The following SLC7A1 variants were observed in gnomAD, a reference collection of about 807,000 sequenced individuals.
SLC7A1 encodes the protein high affinity cationic amino acid transporter 1.
SLC7A1 carries 10 observed loss-of-function variants against 53.9 expected under a neutral mutation model. The ratio of observed to expected loss-of-function variants is 0.19; its 90% CI spans 0.11 to 0.31. The LOEUF is 0.31. Ranked by LOEUF, SLC7A1 falls within the 10% of genes least tolerant of loss-of-function variation. SLC7A1 has a pLI of 1.00. For missense variants in SLC7A1, 525 were observed against 827.2 expected (o/e 0.63, Z 4.48); for synonymous variants, 342 against 338.7 (o/e 1.01, Z -0.11).
At chr13:29,572,175 A>G (rs532568) in intron 1 of SLC7A1, among the ~76,000 whole-genome samples, 125,724 of 152,200 alleles carry the variant, frequency 0.83, 53,433 homozygotes, top group Middle Eastern at 0.94. Flanking sequence ...GGTCCCAAGC[A>G]CGACTCCAAG....
rs1023005103 is a variant in SLC7A1, at chr13:29,538,473, G to A, written c.-14-2271C>T. Among the ~76,000 whole-genome samples, 6 of 152,282 alleles carry A rather than the reference G, an allele frequency of 3.9e-5. No homozygotes were observed. The South Asian group carries it at 1.2e-3, about 32-fold the overall frequency. On this transcript the variant is annotated intron_variant, in intron 2 of 12. Transcript: ENST00000380752. ...ACTGCTTCAGCAAGCTCTCATGCCAGAGCAGTTCTGAGGTGTCTCAGCAAC... is the reference window on the plus strand; with the variant it reads ...ACTGCTTCAGCAAGCTCTCATGCCAAAGCAGTTCTGAGGTGTCTCAGCAAC...
chr13:29,518,892 TTTACTG>T (rs374926008), intron 9 of SLC7A1, among the ~76,000 whole-genome samples: 3 of 151,176 alleles, frequency 2.0e-5, no homozygotes, highest in African/African-American at 7.3e-5. Context: ...CCAGAGCAGC[TTTACTG>T]TGACTGGGAG....
intron 1 of SLC7A1, among the ~76,000 whole-genome samples, chr13:29,582,635 T>A (rs1259441758): frequency 1.3e-5 from 2 of 152,184 alleles, no homozygotes; most frequent in African/African-American, 4.8e-5. Flanking sequence ...CTACTCCCAG[T>A]GACCCTGAGA....
chr13:29,554,017 C>T (rs1296594217), intron 1 of SLC7A1, among the ~76,000 whole-genome samples, 157 bp from the exon 2 acceptor site: 3 of 152,020 alleles, frequency 2.0e-5, no homozygotes, highest in African/African-American at 4.8e-5. Flanking sequence ...GGCAAAGGGG[C>T]CCACCATGGG....
intron 10 of SLC7A1, 76 bp from the exon 11 acceptor site, chr13:29,517,386 C>A: frequency 6.9e-7 from 1 of 1,453,488 alleles, no homozygotes; most frequent in East Asian, 2.3e-5. Flanking sequence ...CTGTTCTCCC[C>A]TAAACTTGTG....
At chr13:29,565,290 C>T (rs75324998) in intron 1 of SLC7A1, among the ~76,000 whole-genome samples, 1 of 152,024 alleles carries the variant, frequency 6.6e-6, no homozygotes, top group Non-Finnish European at 1.5e-5. Flanking sequence ...TGCATGAGTA[C>T]AATACAAACA....
chr13:29,515,001 C>T (rs1208507969), intron 12 of SLC7A1, among the ~76,000 whole-genome samples: 2 of 152,200 alleles, frequency 1.3e-5, no homozygotes, highest in East Asian at 3.9e-4. Context: ...AGTCCCACTG[C>T]CCATTTCTCC....
In SLC7A1 at chr13:29,572,229, T is replaced by A. The variant is rs565147304; in HGVS notation, c.-114-18369A>T. Among the ~76,000 whole-genome samples the A allele has an allele frequency of 1.9e-4, 29 of 152,296 alleles. No homozygotes were observed. In the South Asian group the frequency reaches 5.2e-3, roughly 27 times the overall value. ...CCATCTGGTCCCACACCAAGTCACA[T>A]CTGTGCCCAGAGAAGCCCAGTGGAC... On this transcript the variant is annotated intron_variant, in intron 1 of 12. Transcript: ENST00000380752.
intron 1 of SLC7A1, among the ~76,000 whole-genome samples, chr13:29,570,288 C>A (rs575132595): frequency 7.2e-5 from 11 of 152,230 alleles, no homozygotes; most frequent in Non-Finnish European, 1.3e-4. Context: ...CATCAAGCAA[C>A]GTTATTGACT....
At position 29,517,757 on chromosome 13, in the gene SLC7A1, C is replaced by T; in HGVS notation, c.1326G>A (p.Gln442=). The T allele has an allele frequency of 6.2e-7, 1 of 1,614,240 alleles. No homozygotes were observed. The highest frequency in any genetic ancestry group is 8.5e-7 in the Non-Finnish European group (1 of 1,180,052). Residue 442 remains glutamine, a synonymous_variant, in exon 10 of 13, where the codon CAG becomes CAA. Coordinates refer to ENST00000380752, the MANE Select transcript of SLC7A1 (RefSeq NM_003045.5). ...CTAACTCGTCGGAAGTACTGGCCAT[C>T]TGGTATACCAGGTTAGGCTGCTCTG... ...YQPEQPNLVY[Q]MASTSDELDP...
At chr13:29,521,601 CG>C (rs1484178705) in intron 8 of SLC7A1, among the ~76,000 whole-genome samples, 1 of 152,140 alleles carries the variant, frequency 6.6e-6, no homozygotes, top group Non-Finnish European at 1.5e-5. Flanking sequence ...GTCTGCCTCT[CG>C]GGGCTATGAA....
chr13:29,529,089 A>G (rs1338189880), intron 5 of SLC7A1, among the ~76,000 whole-genome samples: 1 of 152,228 alleles, frequency 6.6e-6, no homozygotes, highest in African/African-American at 2.4e-5. Context: ...TCCACCCTAG[A>G]TTAATGGACA....
chr13:29,531,837 TATAAAATAAA>T (rs557775599), intron 4 of SLC7A1, among the ~76,000 whole-genome samples: 2 of 151,990 alleles, frequency 1.3e-5, no homozygotes, highest in African/African-American at 4.8e-5. Flanking sequence ...CTGTCTCAAA[TATAAAATAAA>T]ATAAAATAAA....
Position 29,524,141 on chromosome 13 carries a change from C to A in SLC7A1, c.817G>T (p.Ala273Ser), listed in dbSNP as rs767310993. ...FYAFVGFDCI[A>S]TTGEEVKNPQ... ...TGGCTGGCGGACATACCTGTGGTGGCGATGCAGTCAAAGCCCACGAAGGCA... is the reference window on the plus strand; with the variant it reads ...TGGCTGGCGGACATACCTGTGGTGGAGATGCAGTCAAAGCCCACGAAGGCA... Residue 273 changes from alanine (A) to serine (S), a missense_variant, in exon 6 of 13, where the codon GCC becomes TCC. Ala to Ser is a moderately conservative substitution (Grantham distance 99). Transcript: ENST00000380752. 1 of 1,612,630 alleles carries A rather than the reference C, an allele frequency of 6.2e-7. No individual in the cohort carries two copies. Among genetic ancestry groups the A allele is most frequent in the Admixed American group, 1.7e-5 (1 of 59,936 alleles).
chr13:29,562,767 T>C (rs1286774585), intron 1 of SLC7A1, among the ~76,000 whole-genome samples: 1 of 152,200 alleles, frequency 6.6e-6, no homozygotes, highest in Admixed American at 6.5e-5. Flanking sequence ...GCAAAAGCTG[T>C]TGAAAAGACC....
intron 4 of SLC7A1, among the ~76,000 whole-genome samples, chr13:29,531,352 GC>G (rs1247194598): frequency 1.3e-5 from 2 of 151,848 alleles, no homozygotes; most frequent in Non-Finnish European, 2.9e-5. Flanking sequence ...TAATAAAGAT[GC>G]CCAGGAACCT....
At chr13:29,548,061 C>T (rs1393182090) in intron 2 of SLC7A1, among the ~76,000 whole-genome samples, 1 of 152,142 alleles carries the variant, frequency 6.6e-6, no homozygotes, top group Admixed American at 6.5e-5. Context: ...CATAGAAAAA[C>T]AGCCAAGAGT....
chr13:29,538,872 C>G (rs184574676), intron 2 of SLC7A1, among the ~76,000 whole-genome samples: 5 of 152,068 alleles, frequency 3.3e-5, no homozygotes, highest in Admixed American at 1.3e-4. Context: ...GTAGACGGAG[C>G]CTTGAAGAGA....
chr13:29,559,968 G>T (rs1490946843), intron 1 of SLC7A1, among the ~76,000 whole-genome samples: 1 of 152,140 alleles, frequency 6.6e-6, no homozygotes, highest in Non-Finnish European at 1.5e-5. Flanking sequence ...GCCCGCCTCG[G>T]CCTCCCAAAG....
Sources: allele counts gnomAD v4.1 joint callset (sites outside exome capture counted in the v4.1 genomes callset), GRCh38; gene constraint gnomAD v4.1.1; transcripts MANE v1.5; gene names NCBI Gene and HGNC (gene_info 2026-07-23, HGNC 2026-07-21).